The following LILRA4 variants were observed in gnomAD, a reference collection of about 807,000 sequenced individuals.
LILRA4 encodes the protein leukocyte immunoglobulin-like receptor subfamily A member 4.
Under a neutral mutation model 49.5 loss-of-function variants are expected in LILRA4, and 51 were observed. That is an observed-to-expected ratio of 1.03 (90% CI 0.82 to 1.30). The LOEUF is 1.30. Ranked by LOEUF, LILRA4 falls within the 50% of genes most tolerant of loss-of-function variation. The probability of loss-of-function intolerance (pLI) is 0.00; values close to 1 mark genes in which losing one functional copy is unlikely to be tolerated. For missense variants in LILRA4, 624 were observed against 625.6 expected (o/e 1.00, Z 0.03); for synonymous variants, 272 against 265.6 (o/e 1.02, Z -0.23).
In LILRA4 at chr19:54,339,129, G is replaced by A. The variant is rs778928034; in HGVS notation, c.-36C>T. 3.1e-6 allele frequency: 5 copies of A among 1,613,850 alleles called. No homozygotes were observed. In the African/African-American group the frequency reaches 6.7e-5, roughly 22 times the overall value. On this transcript the variant is annotated 5_prime_UTR_variant, in exon 1 of 8. Transcript: ENST00000291759. ...CCTCCTGGCCCTGGCTGTGCAGGCA[G>A]GTGTGGCCACGGTGCCCGTAGACAC...
intron 2 of LILRA4, 41 bp from the exon 3 acceptor site, chr19:54,338,721 C>T (rs984753553): frequency 1.3e-6 from 2 of 1,591,302 alleles, no homozygotes; most frequent in South Asian, 1.1e-5. Flanking sequence ...ATGTCCTCAA[C>T]CCTCAGATCC....
chr19:54,333,398 G>C lies in LILRA4; in HGVS notation c.*174C>G, dbSNP rs2081290812. 1 of 666,196 alleles carries C rather than the reference G, an allele frequency of 1.5e-6. No individual in the cohort carries two copies. The highest frequency in any genetic ancestry group is 2.5e-6 in the Non-Finnish European group (1 of 396,308). 41.3% of individuals were successfully genotyped at this position (666,196 alleles called of 1,614,324 possible). ...TCATAGGGAAGAAAAACGAAGGAAG[G>C]GGCAGTCAAGGAGAGTCGACAATGA... On this transcript the variant is annotated 3_prime_UTR_variant, in exon 8 of 8. Coordinates refer to ENST00000291759, the MANE Select transcript of LILRA4 (RefSeq NM_012276.5).
intron 6 of LILRA4, chr19:54,336,404 G>GATCTCGGT: frequency 2.3e-5 from 5 of 213,678 alleles, no homozygotes; most frequent in Admixed American, 5.1e-5. Context: ...GGAGCAGGTG[G>GATCTCGGT]GGCCTCCGTC....
In LILRA4 at chr19:54,338,154, C is replaced by A. The variant is rs764568449; in HGVS notation, c.437G>T (p.Arg146Leu). ...GVNVTLRCAS[R>L]LGLGRFTLIE... ...CAGAGTGAACCTGCCCAGTCCCAGCCGTGAGGCACACCGGAGGGTCACGTT... is the reference window on the plus strand; with the variant it reads ...CAGAGTGAACCTGCCCAGTCCCAGCAGTGAGGCACACCGGAGGGTCACGTT... The change falls in exon 4 of 8, where the codon CGG (arginine) becomes CTG (leucine). Residue 146 changes from arginine (R) to leucine (L), a missense_variant. Transcript: ENST00000291759. The A allele has an allele frequency of 1.2e-6, 2 of 1,613,868 alleles. No individual in the cohort carries two copies. The highest frequency in any genetic ancestry group is 1.1e-5 in the South Asian group (1 of 91,084).
At chr19:54,335,812 T>C (rs753984053) in intron 6 of LILRA4, 2 of 152,242 alleles carry the variant, frequency 1.3e-5, no homozygotes, top group Admixed American at 1.3e-4. Flanking sequence ...GGTAGTTCTT[T>C]ACAGCAGTGT....
At chr19:54,336,528 CTCAT>C in intron 6 of LILRA4, 2 of 496,592 alleles carry the variant, frequency 4.0e-6, no homozygotes, top group Non-Finnish European at 7.1e-6. Context: ...GTGGGAAGTC[CTCAT>C]CTATTTCCAC....
Position 54,333,676 on chromosome 19 carries a change from C to G in LILRA4, c.1396G>C (p.Glu466Gln). Residue 466 changes from glutamate (E) to glutamine (Q), a missense_variant, in exon 8 of 8, where the codon GAG (glutamate) becomes CAG (glutamine). By Grantham distance (29) the Glu-to-Gln change is conservative. Transcript: ENST00000291759. ...GGGCTTCTCTGGCTGTGCTGAGCCTCAAATAACAGAATCCCGAGGAACAGC... is the reference window on the plus strand; with the variant it reads ...GGGCTTCTCTGGCTGTGCTGAGCCTGAAATAACAGAATCCCGAGGAACAGC... ...VLLFLGILLFEAQHSQRSPPR... is the reference protein window; with the variant it reads ...VLLFLGILLFQAQHSQRSPPR... 6.2e-7 allele frequency: 1 copy of G among 1,614,112 alleles called. No individual in the cohort carries two copies. The highest frequency in any genetic ancestry group is 8.5e-7 in the Non-Finnish European group (1 of 1,180,024).
chr19:54,339,012 G>A, intron 1 of LILRA4, 48 bp downstream of exon 1: 1 of 1,612,746 alleles, frequency 6.2e-7, no homozygotes, highest in South Asian at 1.1e-5. Flanking sequence ...TATGGATTGG[G>A]GTCTCTCTCC....
In LILRA4 at chr19:54,337,570, T is replaced by C. The variant is rs759636002; in HGVS notation, c.782A>G (p.Asp261Gly). ...CCGGCCAGGGCGCTGGGGGAGGCCATCGGCCCCCTCCTTGTACAGAGTGTA... is the reference window on the plus strand; with the variant it reads ...CCGGCCAGGGCGCTGGGGGAGGCCACCGGCCCCCTCCTTGTACAGAGTGTA... ...IRYTLYKEGA[D>G]GLPQRPGRQP... The change falls in exon 5 of 8, where the codon GAT becomes GGT. Residue 261 changes from aspartate (D) to glycine (G), a missense_variant. Coordinates refer to ENST00000291759, the MANE Select transcript of LILRA4 (RefSeq NM_012276.5). 6.2e-7 allele frequency: 1 copy of C among 1,603,972 alleles called. No homozygotes were observed. The highest frequency in any genetic ancestry group is 8.5e-7 in the Non-Finnish European group (1 of 1,173,490).
In LILRA4 at chr19:54,339,052, G is replaced by A; in HGVS notation, c.34+8C>T. Reference sequence around the variant, plus strand: ...CTAGGGTCTCTCCTCCCCCTCTTAAGATCTCACCAAAGAAGAGCAGGCTTG... The same window carrying A: ...CTAGGGTCTCTCCTCCCCCTCTTAAAATCTCACCAAAGAAGAGCAGGCTTG... On this transcript the variant is annotated splice_region_variant and intron_variant, in intron 1 of 7. Coordinates refer to ENST00000291759, the MANE Select transcript of LILRA4 (RefSeq NM_012276.5). 2 of 1,614,146 alleles carry A rather than the reference G, an allele frequency of 1.2e-6. No individual in the cohort carries two copies. The highest frequency in any genetic ancestry group is 2.2e-5 in the South Asian group (2 of 91,082).
Position 54,337,541 on chromosome 19 carries a change from G to A in LILRA4, c.811C>T (p.Pro271Ser), listed in dbSNP as rs1206116685. The stretch of plus-strand genomic sequence containing the variant: ...TTGGCCTGGGAGAGCCCAGCCTGGG[G>A]CTGCCGGCCAGGGCGCTGGGGGAGG... ...DGLPQRPGRQ[P>S]QAGLSQANFT... Residue 271 changes from proline to serine, a missense_variant, in exon 5 of 8, where the codon CCC becomes TCC. Transcript: ENST00000291759. 2.5e-6 allele frequency: 4 copies of A among 1,613,122 alleles called. No homozygotes were observed. The highest frequency in any genetic ancestry group is 3.4e-6 in the Non-Finnish European group (4 of 1,179,928).
Position 54,338,454 on chromosome 19 carries a change from G to C in LILRA4, c.297C>G (p.Tyr99Ter), listed in dbSNP as rs762739588. ...MWEHAGRYHC[Y>*]YQSPAGWSEP... is the part of the protein sequence containing the mutation. ...CTGACCAGCCTGCAGGGCTCTGATAGTAACAGTGATATCGCCCTGCATGTT... is the reference window on the plus strand; with the variant it reads ...CTGACCAGCCTGCAGGGCTCTGATACTAACAGTGATATCGCCCTGCATGTT... The change falls in exon 3 of 8, where the codon TAC (tyrosine) becomes TAG (stop). Residue 99 changes from tyrosine (Y) to a stop codon, truncating the protein, a stop_gained. Transcript: ENST00000291759. LOFTEE classifies it high-confidence loss of function. 2.5e-6 allele frequency: 4 copies of C among 1,614,178 alleles called. No individual in the cohort carries two copies. The highest frequency in any genetic ancestry group is 2.2e-5 in the South Asian group (2 of 91,090).
At chr19:54,338,930 GC>G (rs1366828597) in intron 1 of LILRA4, 29 bp from the exon 2 acceptor site, 2 of 1,614,152 alleles carry the variant, frequency 1.2e-6, no homozygotes, top group South Asian at 2.2e-5. Flanking sequence ...TGAGAGATTT[GC>G]CTCCGAAGCC....
chr19:54,336,141 T>C, intron 6 of LILRA4: 1 of 152,408 alleles, frequency 6.6e-6, no homozygotes. Flanking sequence ...CTCCCTCCCC[T>C]CTGACCACCA....
At position 54,338,900 on chromosome 19, in the gene LILRA4, C is replaced by G. The variant is rs1489157837; in HGVS notation, c.36G>C (p.Gly12=). Residue 12 remains glycine, a splice_region_variant and synonymous_variant, in exon 2 of 8, where the codon GGG becomes GGC. Transcript: ENST00000291759. ...CCCGGGTCCTGGGGCCCAGGCTCAG[C>G]CCTGGAAGAGAGTTCCCTGTGAGAG... ...TLILTSLLFF[G]LSLGPRTRVQ... 2.5e-6 allele frequency: 4 copies of G among 1,614,150 alleles called. No individual in the cohort carries two copies. Among genetic ancestry groups the G allele is most frequent in the South Asian group, 2.2e-5 (2 of 91,086 alleles).
At chr19:54,337,794 T>G in intron 4 of LILRA4, 98 bp from the exon 5 acceptor site, 1 of 1,472,674 alleles carries the variant, frequency 6.8e-7, no homozygotes, top group East Asian at 2.3e-5. Context: ...GTCCTTGTTT[T>G]TTTCTCATTC....
chr19:54,338,771 A>G, intron 2 of LILRA4, 91 bp from the exon 3 acceptor site: 5 of 1,592,144 alleles, frequency 3.1e-6, no homozygotes, highest in Non-Finnish European at 4.3e-6. Flanking sequence ...CCCATCAGTC[A>G]GCCCAGAACT....
intron 6 of LILRA4, chr19:54,335,953 T>C (rs1201848838): frequency 1.3e-5 from 2 of 152,188 alleles, no homozygotes; most frequent in Admixed American, 1.3e-4. Flanking sequence ...AATTTGGAAA[T>C]ATAAACGTGA....
At chr19:54,335,270 A>G (rs958044945) in intron 6 of LILRA4, 1 of 152,136 alleles carries the variant, frequency 6.6e-6, no homozygotes, top group African/African-American at 2.4e-5. Context: ...TGCTCTCATG[A>G]TAGTGAGTTG....
Sources: gnomAD v4.1 joint callset for allele counts on GRCh38, gnomAD v4.1.1 for gene constraint, MANE v1.5 for transcripts, NCBI Gene and HGNC (gene_info 2026-07-23, HGNC 2026-07-21) for gene names.